PLCH1: variants seen among roughly 807,000 people sequenced by gnomAD.
PLCH1 encodes phospholipase C eta 1.
In PLCH1, 60 loss-of-function variants were observed where a neutral mutation model predicts 126.7. The observed-to-expected ratio is 0.47, with a 90% CI of 0.38 to 0.59. PLCH1 has a LOEUF of 0.59. Ranked by LOEUF, PLCH1 falls within the 20% of genes least tolerant of loss-of-function variation. PLCH1 has a pLI of 0.00. For missense variants in PLCH1, 1,723 were observed against 2,040.0 expected (o/e 0.84, Z 2.99); for synonymous variants, 719 against 734.9 (o/e 0.98, Z 0.35).
intron 2 of PLCH1, among the ~76,000 whole-genome samples, chr3:155,629,698 G>T (rs10212593): frequency 0.48 from 73,513 of 151,586 alleles, 20,160 homozygotes; most frequent in African/African-American, 0.74. Context: ...AAATGGTCAA[G>T]TAGACGTCTC....
At chr3:155,605,458 G>A (rs1577120734) in intron 2 of PLCH1, among the ~76,000 whole-genome samples, 1 of 152,266 alleles carries the variant, frequency 6.6e-6, no homozygotes, top group East Asian at 1.9e-4. Flanking sequence ...GTTGCTATTA[G>A]AACTAAGTAC....
intron 10 of PLCH1, among the ~76,000 whole-genome samples, chr3:155,545,360 G>C (rs1051455323): frequency 6.6e-5 from 10 of 151,928 alleles, no homozygotes; most frequent in Non-Finnish European, 1.2e-4. Flanking sequence ...TCTCTGAATA[G>C]ACCAATAACA....
At chr3:155,666,252 A>G (rs934219840) in intron 2 of PLCH1, among the ~76,000 whole-genome samples, 2 of 152,232 alleles carry the variant, frequency 1.3e-5, no homozygotes, top group African/African-American at 4.8e-5. Context: ...CTAGTGGTGT[A>G]TAAAAGTGCC....
intron 2 of PLCH1, among the ~76,000 whole-genome samples, chr3:155,600,474 C>T (rs1733569144): frequency 6.6e-6 from 1 of 152,170 alleles, no homozygotes; most frequent in South Asian, 2.1e-4. Flanking sequence ...AACTTCATCA[C>T]ACACATTTCC....
chr3:155,744,694 GTC>G (rs1749862158), intron 1 of PLCH1, 144 bp downstream of exon 1: 1 of 152,480 alleles, frequency 6.6e-6, no homozygotes, highest in Admixed American at 6.5e-5. Context: ...AGCACTCACA[GTC>G]CTAAACAGGC....
intron 1 of PLCH1, among the ~76,000 whole-genome samples, chr3:155,731,177 T>A (rs1748744788): frequency 6.6e-6 from 1 of 152,138 alleles, no homozygotes; most frequent in African/African-American, 2.4e-5. Flanking sequence ...AGACTTAGGC[T>A]CTAGGCCAAC....
chr3:155,733,873 TAGGCAAAGG>T lies in PLCH1; in HGVS notation c.-41+10958_-41+10966del, dbSNP rs1398246632. 4.2e-5 allele frequency among the ~76,000 whole-genome samples: 6 copies of T among 143,980 alleles called. No individual in the cohort carries two copies. In the East Asian group the frequency reaches 1.2e-3, roughly 30 times the overall value. 94.5% of individuals were successfully genotyped at this position (143,980 alleles called of 152,430 possible). A position where few individuals can be genotyped will look rare whatever the true frequency, so the allele number is the denominator to read the frequency against. On this transcript the variant is annotated intron_variant, in intron 1 of 22. Transcript: ENST00000460012. ...GAAAACAAATAACCTGATCTGAAGA[TAGGCAAAGG>T]ACCTAGATAGATATTTCTTAAAAGA... is the stretch of plus-strand genomic sequence containing the variant.
intron 1 of PLCH1, among the ~76,000 whole-genome samples, chr3:155,730,756 C>G (rs928092635): frequency 1.3e-5 from 2 of 152,146 alleles, no homozygotes; most frequent in African/African-American, 4.8e-5. Context: ...AAGGGTAGCA[C>G]AGAAATAAGA....
At chr3:155,737,126 C>T (rs1416507516) in intron 1 of PLCH1, among the ~76,000 whole-genome samples, 1 of 146,402 alleles carries the variant, frequency 6.8e-6, no homozygotes, top group African/African-American at 2.5e-5. Flanking sequence ...CAGCTACTCC[C>T]GAGGCTGAGG....
chr3:155,576,552 A>T (rs1229383188), intron 6 of PLCH1, among the ~76,000 whole-genome samples: 2 of 152,220 alleles, frequency 1.3e-5, no homozygotes, highest in East Asian at 3.8e-4. Flanking sequence ...ATTTGATTTC[A>T]TAAAACCCTT....
At chr3:155,640,944 T>G (rs1739322355) in intron 2 of PLCH1, among the ~76,000 whole-genome samples, 2 of 152,168 alleles carry the variant, frequency 1.3e-5, no homozygotes, top group South Asian at 4.1e-4. Flanking sequence ...ATTCATAACA[T>G]AACATTTGTG....
intron 2 of PLCH1, among the ~76,000 whole-genome samples, chr3:155,628,724 T>C (rs1261644155): frequency 6.6e-6 from 1 of 152,176 alleles, no homozygotes; most frequent in Non-Finnish European, 1.5e-5. Context: ...TTTTCTCTTC[T>C]ACAATAGGCT....
intron 2 of PLCH1, among the ~76,000 whole-genome samples, chr3:155,606,208 T>A (rs1328562461): frequency 1.3e-5 from 2 of 152,216 alleles, no homozygotes; most frequent in Non-Finnish European, 2.9e-5. Flanking sequence ...TTGAATTGTT[T>A]CTCCATTTAC....
At chr3:155,608,378 G>T (rs1734614987) in intron 2 of PLCH1, among the ~76,000 whole-genome samples, 1 of 152,210 alleles carries the variant, frequency 6.6e-6, no homozygotes, top group Non-Finnish European at 1.5e-5. Context: ...GTGTGAGCAG[G>T]CAGGGAGGGG....
intron 21 of PLCH1, among the ~76,000 whole-genome samples, chr3:155,461,632 C>T (rs1171838639): frequency 6.6e-6 from 1 of 152,142 alleles, no homozygotes; most frequent in Non-Finnish European, 1.5e-5. Flanking sequence ...TCCTCTATAA[C>T]CAACTGATGG....
rs540654049 is a variant in PLCH1 at position 155,511,664 on chromosome 3, G to A, written c.1632+3059C>T. 4.8e-4 allele frequency among the ~76,000 whole-genome samples: 67 copies of A among 140,814 alleles called. 2 individuals carry two copies. The highest frequency in any genetic ancestry group is 6.4e-4 in the Non-Finnish European group (42 of 65,834). 92.4% of individuals were successfully genotyped at this position (140,814 alleles called of 152,430 possible). A position where few individuals can be genotyped will look rare whatever the true frequency, so the allele number is the denominator to read the frequency against. ...GGGGTGCCTCCCAGTTAGGCTGCTC[G>A]GGGGTCAGGGGTCAGGGACCCACTT... On this transcript the variant is annotated intron_variant, in intron 12 of 22. Transcript: ENST00000460012.
chr3:155,549,625 C>T (rs1053786797), intron 10 of PLCH1, among the ~76,000 whole-genome samples, 162 bp downstream of exon 10: 1 of 152,066 alleles, frequency 6.6e-6, no homozygotes, highest in African/African-American at 2.4e-5. Context: ...TCTGAAGACA[C>T]GACTATAAAA....
intron 10 of PLCH1, among the ~76,000 whole-genome samples, chr3:155,529,500 G>A (rs1020644718): frequency 6.6e-6 from 1 of 151,918 alleles, no homozygotes; most frequent in South Asian, 2.1e-4. Flanking sequence ...AGAGGCACAC[G>A]GATTTTTTGG....
chr3:155,486,191 G>A (rs1238516328), intron 21 of PLCH1: 9 of 1,544,788 alleles, frequency 5.8e-6, no homozygotes, highest in African/African-American at 1.4e-5. Context: ...CTGGGGTTGA[G>A]TATTAAAGGG....
Sources: gnomAD v4.1 joint callset for allele counts (sites outside exome capture counted in the v4.1 genomes callset) on GRCh38, gnomAD v4.1.1 for gene constraint, MANE v1.5 for transcripts, NCBI Gene and HGNC (gene_info 2026-07-23, HGNC 2026-07-21) for gene names.